Variants in KCNA2 observed in about 807,000 individuals in gnomAD.
KCNA2 encodes the protein potassium channel, voltage gated shaker related subfamily A, member 2.
In KCNA2, 11 loss-of-function variants were observed where a neutral mutation model predicts 33.4. The ratio of observed to expected loss-of-function variants is 0.33; its 90% CI spans 0.21 to 0.55. The LOEUF is 0.55. KCNA2 is among the 20% of genes least tolerant of loss of function. The pLI, the probability that KCNA2 is intolerant of heterozygous loss-of-function variation, is 0.93. For synonymous variants in KCNA2, 222 were observed against 231.3 expected (o/e 0.96, Z 0.37); for missense variants, 291 against 621.6 (o/e 0.47, Z 5.66).
In KCNA2 at chr1:110,601,443, G is replaced by C; in HGVS notation, c.*1840C>G. 1 of 985,504 alleles carries C rather than the reference G, an allele frequency of 1.0e-6. No homozygotes were observed. The highest frequency in any genetic ancestry group is 1.2e-6 in the Non-Finnish European group (1 of 829,994). 61.0% of individuals were successfully genotyped at this position (985,504 alleles called of 1,614,324 possible). The stretch of plus-strand genomic sequence containing the variant: ...AATGATAATAAGATCCAAGTGGCAA[G>C]GGAAGAGGTGAAAATGGAGATGATG... On this transcript the variant is annotated 3_prime_UTR_variant, in exon 3 of 3. Transcript: ENST00000316361.
At chr1:110,629,931 G>T (rs1650503336) in intron 1 of KCNA2, among the ~76,000 whole-genome samples, 2 of 151,764 alleles carry the variant, frequency 1.3e-5, no homozygotes, top group South Asian at 4.2e-4. Context: ...ATGCAGTGGT[G>T]GGTAGGTTTG....
chr1:110,602,079 G>C lies in KCNA2; in HGVS notation c.*1204C>G, dbSNP rs115258190. 1 of 1,550,478 alleles carries C rather than the reference G, an allele frequency of 6.4e-7. No individual in the cohort carries two copies. The highest frequency in any genetic ancestry group is 2.0e-5 in the Admixed American group (1 of 50,988). On this transcript the variant is annotated 3_prime_UTR_variant, in exon 3 of 3. Coordinates refer to ENST00000316361, the MANE Select transcript of KCNA2 (RefSeq NM_004974.4). ...CCTGGTCCACTGTACAGTCATGCCC[G>C]CGACTAGGTTAATTCCTAAGGTGCA...
At position 110,604,546 on chromosome 1, in the gene KCNA2, A is replaced by G; in HGVS notation, c.237T>C (p.Asp79=). The change falls in exon 3 of 3, where the codon GAT becomes GAC. Residue 79 remains aspartate, a synonymous_variant. Coordinates refer to ENST00000316361, the MANE Select transcript of KCNA2 (RefSeq NM_004974.4). The surrounding 1 kb of genome is among the most constrained non-coding windows in gnomAD (Gnocchi z 7.6). Reference sequence around the variant, plus strand: ...TGGCATCAAAGCTAGGGCGGTTCCGATCGAAAAAGTACTCATTTCGGAGGG... The same window carrying G: ...TGGCATCAAAGCTAGGGCGGTTCCGGTCGAAAAAGTACTCATTTCGGAGGG... ...FDPLRNEYFF[D]RNRPSFDAIL... is the part of the protein sequence containing the mutation. 6.2e-7 allele frequency: 1 copy of G among 1,614,202 alleles called. No individual in the cohort carries two copies. The highest frequency in any genetic ancestry group is 8.5e-7 in the Non-Finnish European group (1 of 1,180,020).
chr1:110,600,647 GT>G lies in KCNA2; in HGVS notation c.*2635del. The G allele has an allele frequency of 1.0e-6, 1 of 985,416 alleles. No individual in the cohort carries two copies. Among genetic ancestry groups the G allele is most frequent in the Non-Finnish European group, 1.2e-6 (1 of 829,916 alleles). 61.0% of individuals were successfully genotyped at this position (985,416 alleles called of 1,614,324 possible). A position where few individuals can be genotyped will look rare whatever the true frequency, so the allele number is the denominator to read the frequency against. On this transcript the variant is annotated 3_prime_UTR_variant, in exon 3 of 3. Transcript: ENST00000316361. Reference sequence around the variant, plus strand: ...TTTAGAGTCCTGGGCCAAGGACACTGTGATAAGATATCTATCCCTGACCTAG... The same window carrying G: ...TTTAGAGTCCTGGGCCAAGGACACTGGATAAGATATCTATCCCTGACCTAG...
rs1228841616 is a variant in KCNA2 at position 110,603,470 on chromosome 1, A to C, written c.1313T>G (p.Ile438Ser). The change falls in exon 3 of 3, where the codon ATC (isoleucine) becomes AGC (serine). Residue 438 changes from isoleucine (I) to serine (S), a missense_variant. Around this residue, in one of 5 missense-constraint regions of KCNA2, gnomAD observed 65 missense variants for 95.1 expected, o/e 0.68. Coordinates refer to ENST00000316361, the MANE Select transcript of KCNA2 (RefSeq NM_004974.4). The surrounding 1 kb of genome is among the most constrained non-coding windows in gnomAD (Gnocchi z 5.7). ...QYLQVTSCPK[I>S]PSSPDLKKSR... ...TTTCTTTAGGTCAGGGGAGGATGGG[A>C]TCTTTGGACAGCTTGTCACTTGCAA... The C allele has an allele frequency of 1.2e-6, 2 of 1,613,732 alleles. No homozygotes were observed. Among genetic ancestry groups the C allele is most frequent in the East Asian group, 4.5e-5 (2 of 44,864 alleles).
intron 1 of KCNA2, among the ~76,000 whole-genome samples, chr1:110,619,409 C>T (rs1650174271): frequency 6.6e-6 from 1 of 152,244 alleles, no homozygotes; most frequent in Admixed American, 6.5e-5. Flanking sequence ...AAATCTGCTC[C>T]CACTCCCAAG....
Position 110,602,411 on chromosome 1 carries a change from C to A in KCNA2, c.*872G>T. On this transcript the variant is annotated 3_prime_UTR_variant, in exon 3 of 3. Coordinates refer to ENST00000316361, the MANE Select transcript of KCNA2 (RefSeq NM_004974.4). Reference sequence around the variant, plus strand: ...ATTCATGCAACAAACACCCATGCAGCTCTATTGCATCACTGGTAAATTTCA... The same window carrying A: ...ATTCATGCAACAAACACCCATGCAGATCTATTGCATCACTGGTAAATTTCA... 7.4e-7 allele frequency: 1 copy of A among 1,359,034 alleles called. No individual in the cohort carries two copies. Among genetic ancestry groups the A allele is most frequent in the Non-Finnish European group, 9.5e-7 (1 of 1,057,770 alleles). 84.2% of individuals were successfully genotyped at this position (1,359,034 alleles called of 1,614,324 possible). A position where few individuals can be genotyped will look rare whatever the true frequency, so the allele number is the denominator to read the frequency against.
chr1:110,624,042 T>C (rs1164078080), intron 1 of KCNA2, among the ~76,000 whole-genome samples: 1 of 152,252 alleles, frequency 6.6e-6, no homozygotes, highest in Non-Finnish European at 1.5e-5. Flanking sequence ...TCATTCATTG[T>C]TGGTGAAAAT....
intron 1 of KCNA2, among the ~76,000 whole-genome samples, chr1:110,617,312 C>T (rs1012186054): frequency 6.6e-6 from 1 of 152,190 alleles, no homozygotes; most frequent in African/African-American, 2.4e-5. Flanking sequence ...TCACCTGTGC[C>T]AGGGACTCTG....
rs1003400689 is a variant in KCNA2 at position 110,596,159 on chromosome 1, GA to G, written c.*7123del. 38 of 976,180 alleles carry G rather than the reference GA, an allele frequency of 3.9e-5. No homozygotes were observed. The highest frequency in any genetic ancestry group is 1.1e-4 in the African/African-American group (6 of 56,336). The allele number at this position is 976,180 out of a possible 1,614,324, so 60.5% of individuals were successfully genotyped here. On this transcript the variant is annotated 3_prime_UTR_variant, in exon 3 of 3. Transcript: ENST00000316361. ...TGCCTTCTAGAGAGGTCCCTAAGCAGAAAAAAAAAGAGTAGAACTGGAGAGG... is the reference window on the plus strand; with the variant it reads ...TGCCTTCTAGAGAGGTCCCTAAGCAGAAAAAAAAGAGTAGAACTGGAGAGG...
At chr1:110,614,566 T>C (rs1001314301) in intron 1 of KCNA2, among the ~76,000 whole-genome samples, 2 of 152,228 alleles carry the variant, frequency 1.3e-5, no homozygotes, top group Admixed American at 6.5e-5. Context: ...GCCTGCCAGT[T>C]TCTGTCCTGA....
At position 110,602,046 on chromosome 1, in the gene KCNA2, C is replaced by A. The variant is rs1052718630; in HGVS notation, c.*1237G>T. The A allele has an allele frequency of 1.9e-6, 3 of 1,550,318 alleles. No homozygotes were observed. In the African/African-American group the frequency reaches 4.1e-5, roughly 21 times the overall value. On this transcript the variant is annotated 3_prime_UTR_variant, in exon 3 of 3. Coordinates refer to ENST00000316361, the MANE Select transcript of KCNA2 (RefSeq NM_004974.4). ...TCCACAGACCTGCCTGTCATCAGGA[C>A]CAGATGCCCTGGTCCACTGTACAGT...
Position 110,598,326 on chromosome 1 carries a change from C to T in KCNA2, c.*4957G>A, listed in dbSNP as rs1649190939. 1.1e-6 allele frequency: 1 copy of T among 941,682 alleles called. No individual in the cohort carries two copies. The highest frequency in any genetic ancestry group is 1.8e-5 in the African/African-American group (1 of 56,238). The allele number at this position is 941,682 out of a possible 1,614,324, so 58.3% of individuals were successfully genotyped here. ...TAAACAAGTCAAAGCACTGTGCTCC[C>T]CTGCCTGACATAGGGGTAGTGGTGC... On this transcript the variant is annotated 3_prime_UTR_variant, in exon 3 of 3. Coordinates refer to ENST00000316361, the MANE Select transcript of KCNA2 (RefSeq NM_004974.4).
intron 1 of KCNA2, among the ~76,000 whole-genome samples, chr1:110,619,120 G>A (rs1460844586): frequency 6.6e-6 from 1 of 152,114 alleles, no homozygotes; most frequent in Non-Finnish European, 1.5e-5. Context: ...ACCACCCTCT[G>A]CAGCTGCCTC....
chr1:110,595,681 T>C lies in KCNA2; in HGVS notation c.*7602A>G. The C allele has an allele frequency of 2.0e-6, 2 of 985,404 alleles. No individual in the cohort carries two copies. Among genetic ancestry groups the C allele is most frequent in the Non-Finnish European group, 2.4e-6 (2 of 829,938 alleles). The allele number at this position is 985,404 out of a possible 1,614,324, so 61.0% of individuals were successfully genotyped here. A position where few individuals can be genotyped will look rare whatever the true frequency, so the allele number is the denominator to read the frequency against. ...TGTTTCTTGAGTGATGTGTACAGCT[T>C]ACCCCCAAAGAGGCAACTGAATTTC... On this transcript the variant is annotated 3_prime_UTR_variant, in exon 3 of 3. Coordinates refer to ENST00000316361, the MANE Select transcript of KCNA2 (RefSeq NM_004974.4).
chr1:110,598,204 G>T lies in KCNA2; in HGVS notation c.*5079C>A. ...CACCATGGATATTATAGCCCTCGCA[G>T]ATGAGGCGGCCATCACCCACATACA... On this transcript the variant is annotated 3_prime_UTR_variant, in exon 3 of 3. Coordinates refer to ENST00000316361, the MANE Select transcript of KCNA2 (RefSeq NM_004974.4). 1 of 546,024 alleles carries T rather than the reference G, an allele frequency of 1.8e-6. No individual in the cohort carries two copies. The highest frequency in any genetic ancestry group is 2.0e-5 in the African/African-American group (1 of 48,784). The allele number at this position is 546,024 out of a possible 1,614,324, so 33.8% of individuals were successfully genotyped here.
Position 110,599,619 on chromosome 1 carries a change from C to T in KCNA2, c.*3664G>A, listed in dbSNP as rs1044196336. On this transcript the variant is annotated 3_prime_UTR_variant, in exon 3 of 3. Transcript: ENST00000316361. The stretch of plus-strand genomic sequence containing the variant: ...ACAGGTCTCTATAGGGTCTCAACTT[C>T]CTGACCGTGCCCCCAACAAAGCTGC... The T allele has an allele frequency of 3.3e-5, 33 of 985,318 alleles. No homozygotes were observed. The highest frequency in any genetic ancestry group is 4.0e-5 in the Non-Finnish European group (33 of 829,968). The allele number at this position is 985,318 out of a possible 1,614,324, so 61.0% of individuals were successfully genotyped here.
In KCNA2 at chr1:110,600,914, T is replaced by C. The variant is rs142547463; in HGVS notation, c.*2369A>G. Reference sequence around the variant, plus strand: ...CCCCAAGACAACTGTAGGTGCTAACTAGGCAGCAGTGAGGCCTGGGCTGGA... The same window carrying C: ...CCCCAAGACAACTGTAGGTGCTAACCAGGCAGCAGTGAGGCCTGGGCTGGA... On this transcript the variant is annotated 3_prime_UTR_variant, in exon 3 of 3. Transcript: ENST00000316361. The C allele has an allele frequency of 7.8e-4, 769 of 985,468 alleles. 10 individuals are homozygous for C. The African/African-American group carries it at 0.012, about 16-fold the overall frequency. 61.0% of individuals were successfully genotyped at this position (985,468 alleles called of 1,614,324 possible).
rs951719479 is a variant in KCNA2, at chr1:110,600,594, G to A, written c.*2689C>T. On this transcript the variant is annotated 3_prime_UTR_variant, in exon 3 of 3. Coordinates refer to ENST00000316361, the MANE Select transcript of KCNA2 (RefSeq NM_004974.4). ...GTGACAACAGTGTACCTATTTTGTG[G>A]TGAATGTGCATGACTGTATGTGAAC... is the stretch of plus-strand genomic sequence containing the variant. The A allele has an allele frequency of 1.0e-6, 1 of 985,178 alleles. No homozygotes were observed. Among genetic ancestry groups the A allele is most frequent in the African/African-American group, 1.7e-5 (1 of 57,168 alleles). The allele number at this position is 985,178 out of a possible 1,614,324, so 61.0% of individuals were successfully genotyped here.
Sources: allele counts gnomAD v4.1 joint callset (sites outside exome capture counted in the v4.1 genomes callset), GRCh38; gene constraint gnomAD v4.1.1; regional missense constraint gnomAD v4.1.1; non-coding constraint Gnocchi (gnomAD v3.1); transcripts MANE v1.5; gene names NCBI Gene and HGNC (gene_info 2026-07-23, HGNC 2026-07-21).